The following NTN1 variants were observed in gnomAD, a reference collection of about 807,000 sequenced individuals.
NTN1 encodes netrin-1.
NTN1 carries 11 observed loss-of-function variants against 54.2 expected under a neutral mutation model. The ratio of observed to expected loss-of-function variants is 0.20; its 90% CI spans 0.13 to 0.34. NTN1 has a LOEUF of 0.34. Ranked by LOEUF, NTN1 falls within the 10% of genes least tolerant of loss-of-function variation. The pLI is 1.00. For synonymous variants in NTN1, 371 were observed against 382.0 expected, an observed-to-expected ratio of 0.97 and a Z score of 0.33; for missense variants, 740 against 893.1, an observed-to-expected ratio of 0.83 and a Z score of 2.18.
chr17:9,213,124 G>A (rs1484790516), intron 5 of NTN1, among the ~76,000 whole-genome samples: 1 of 152,190 alleles, frequency 6.6e-6, no homozygotes, highest in Admixed American at 6.5e-5. Flanking sequence ...GGAATAAAAG[G>A]GAGGGTAGGC....
At chr17:9,153,217 T>G (rs894293931) in intron 2 of NTN1, among the ~76,000 whole-genome samples, 1 of 151,940 alleles carries the variant, frequency 6.6e-6, no homozygotes, top group African/African-American at 2.4e-5. Context: ...TGCAGTTAGG[T>G]GGGCAGATCA....
intron 6 of NTN1, among the ~76,000 whole-genome samples, chr17:9,236,365 T>C (rs1374527790): frequency 1.3e-5 from 2 of 152,160 alleles, no homozygotes; most frequent in Non-Finnish European, 2.9e-5. Flanking sequence ...TGGAGTGCCG[T>C]GTGGGTGCTG....
chr17:9,189,240 C>A (rs1904385179), intron 5 of NTN1, among the ~76,000 whole-genome samples: 1 of 152,198 alleles, frequency 6.6e-6, no homozygotes, highest in South Asian at 2.1e-4. Context: ...AACTGAGGCA[C>A]AGAGAGATGG....
chr17:9,210,670 G>T (rs1905083621), intron 5 of NTN1, among the ~76,000 whole-genome samples: 1 of 152,042 alleles, frequency 6.6e-6, no homozygotes, highest in African/African-American at 2.4e-5. Context: ...ACTTTGGGAG[G>T]CCGAGGCAAG....
chr17:9,048,594 G>A (rs368109709), intron 2 of NTN1, among the ~76,000 whole-genome samples: 28 of 151,934 alleles, frequency 1.8e-4, no homozygotes, highest in South Asian at 8.3e-4. Flanking sequence ...ATGAAATGGC[G>A]TCTTCGTCCA....
At chr17:9,011,444 G>T in the NTN1 span, among the ~76,000 whole-genome samples, 120 of 152,248 alleles carry the variant, frequency 7.9e-4, 2 homozygotes, top group African/African-American at 2.7e-3. Flanking sequence ...CTCTTGTAAG[G>T]ATAACTATGA....
At position 9,058,108 on chromosome 17, in the gene NTN1, G is replaced by C. The variant is rs144086187; in HGVS notation, c.1018+34717G>C. ...TTTGCCATGTTGCCCAGGCTGATCA[G>C]AAACTCCTGAGCTCAGGAAAATATG... On this transcript the variant is annotated intron_variant, in intron 2 of 6. Transcript: ENST00000173229. Among the ~76,000 whole-genome samples the C allele has an allele frequency of 6.2e-3, 948 of 152,240 alleles. 15 individuals carry two copies. The highest frequency in any genetic ancestry group is 0.021 in the African/African-American group (891 of 41,530).
At chr17:9,186,455 C>G (rs1188932328) in intron 5 of NTN1, among the ~76,000 whole-genome samples, 1 of 152,252 alleles carries the variant, frequency 6.6e-6, no homozygotes, top group African/African-American at 2.4e-5. Flanking sequence ...CAGCCAACTT[C>G]TGGGCTCCCT....
chr17:9,208,500 G>A (rs1203919837), intron 5 of NTN1, among the ~76,000 whole-genome samples: 2 of 152,160 alleles, frequency 1.3e-5, no homozygotes, highest in Non-Finnish European at 2.9e-5. Flanking sequence ...TGCCAGGGGA[G>A]GAGGCAGACA....
chr17:9,118,681 TCTACTTTC>T (rs1469342676), intron 2 of NTN1, among the ~76,000 whole-genome samples: 1 of 150,572 alleles, frequency 6.6e-6, no homozygotes, highest in Non-Finnish European at 1.5e-5. Context: ...CAACCACCGC[TCTACTTTC>T]GGTCTGCCTG....
intron 2 of NTN1, among the ~76,000 whole-genome samples, chr17:9,140,544 G>A (rs2092294856): frequency 6.6e-6 from 1 of 152,232 alleles, no homozygotes; most frequent in East Asian, 1.9e-4. Context: ...AGACCCCTAT[G>A]ACAGTGAGCC....
At chr17:9,236,593 T>TCCCTGC (rs1472623085) in intron 6 of NTN1, among the ~76,000 whole-genome samples, 2 of 152,172 alleles carry the variant, frequency 1.3e-5, no homozygotes, top group East Asian at 1.9e-4. Context: ...CCACTACCTG[T>TCCCTGC]CCCTGCCCCT....
chr17:9,022,240 C>G (rs2091851938), intron 1 of NTN1, 71 bp from the exon 2 acceptor site: 1 of 1,039,542 alleles, frequency 9.6e-7, no homozygotes, highest in East Asian at 3.4e-5. Context: ...CCCGCATCTC[C>G]GCTCGCCACC....
intron 2 of NTN1, among the ~76,000 whole-genome samples, chr17:9,128,475 C>T (rs896724202): frequency 5.3e-5 from 8 of 152,200 alleles, no homozygotes; most frequent in Non-Finnish European, 8.8e-5. Flanking sequence ...TGGGGCTTCC[C>T]TAGCCCACAG....
chr17:9,090,149 G>A lies in NTN1; in HGVS notation c.1018+66758G>A, dbSNP rs950424897. Among the ~76,000 whole-genome samples, 5 of 151,754 alleles carry A rather than the reference G, an allele frequency of 3.3e-5. No individual in the cohort carries two copies. In the East Asian group the frequency reaches 7.7e-4, roughly 24 times the overall value. On this transcript the variant is annotated intron_variant, in intron 2 of 6. Coordinates refer to ENST00000173229, the MANE Select transcript of NTN1 (RefSeq NM_004822.3). ...CATTGATCATCTTTTGGTAGGAGCCGGGCTACCAAACTCATCTTTTTTTTT... is the reference window on the plus strand; with the variant it reads ...CATTGATCATCTTTTGGTAGGAGCCAGGCTACCAAACTCATCTTTTTTTTT...
At chr17:9,007,735 G>C in the NTN1 span, among the ~76,000 whole-genome samples, 1 of 140,894 alleles carries the variant, frequency 7.1e-6, no homozygotes, top group Non-Finnish European at 1.5e-5. Flanking sequence ...TTTCTTGCTT[G>C]CTTGCTTGCT....
chr17:9,227,813 C>T (rs1414836616), intron 6 of NTN1, among the ~76,000 whole-genome samples: 1 of 118,512 alleles, frequency 8.4e-6, no homozygotes, highest in Non-Finnish European at 1.9e-5. Flanking sequence ...ACACACTATC[C>T]CACACTATTA....
In NTN1 at chr17:9,133,201, G is replaced by C. The variant is rs79772082; in HGVS notation, c.1019-29612G>C. On this transcript the variant is annotated intron_variant, in intron 2 of 6. Coordinates refer to ENST00000173229, the MANE Select transcript of NTN1 (RefSeq NM_004822.3). ...TGCATGTTGCCAGCTGCTCCTGGGG[G>C]AGTCTGACGGATGCCACCACCGCCT... 6.2e-4 allele frequency among the ~76,000 whole-genome samples: 94 copies of C among 152,308 alleles called. No homozygotes were observed. In the East Asian group the frequency reaches 0.013, roughly 21 times the overall value.
chr17:9,198,133 G>T (rs1332715284), intron 5 of NTN1, among the ~76,000 whole-genome samples: 1 of 152,190 alleles, frequency 6.6e-6, no homozygotes, highest in Non-Finnish European at 1.5e-5. Context: ...TTATTGAGGG[G>T]GTGCTTTCAG....
Sources: allele counts gnomAD v4.1 joint callset (sites outside exome capture counted in the v4.1 genomes callset), GRCh38; gene constraint gnomAD v4.1.1; transcripts MANE v1.5; gene names NCBI Gene and HGNC (gene_info 2026-07-23, HGNC 2026-07-21).